SLC6A20: variants seen among roughly 807,000 people sequenced by gnomAD.
SLC6A20 encodes sodium- and chloride-dependent transporter XTRP3.
SLC6A20 carries 73 observed loss-of-function variants against 64.3 expected under a neutral mutation model. The observed-to-expected ratio is 1.14, with a 90% CI of 0.94 to 1.38. The LOEUF (loss-of-function observed/expected upper bound fraction) is 1.38, where lower values mean the gene tolerates loss of function less well. SLC6A20 is among the 40% of genes most tolerant of loss of function. SLC6A20 has a pLI of 0.00. For synonymous variants in SLC6A20, 347 were observed against 329.6 expected (o/e 1.05, Z -0.57); for missense variants, 725 against 772.8 (o/e 0.94, Z 0.73).
At chr3:45,761,925 G>T (rs1699689090) in intron 9 of SLC6A20, among the ~76,000 whole-genome samples, 1 of 152,184 alleles carries the variant, frequency 6.6e-6, no homozygotes, top group Non-Finnish European at 1.5e-5. Context: ...AGCAGGGATT[G>T]CTGCTTCAGG....
intron 1 of SLC6A20, among the ~76,000 whole-genome samples, chr3:45,785,646 T>TCTCTCTCTCTCTCTCTCTCTCTC (rs58230332): frequency 2.8e-5 from 4 of 144,188 alleles, no homozygotes; most frequent in African/African-American, 1.0e-4. Context: ...TCTCTCTCTC[T>TCTCTCTCTCTCTCTCTCTCTCTC]TCCCCCTATT....
intron 7 of SLC6A20, among the ~76,000 whole-genome samples, chr3:45,769,654 C>T (rs1699827869): frequency 6.6e-6 from 1 of 151,968 alleles, no homozygotes; most frequent in Admixed American, 6.5e-5. Flanking sequence ...ACCATTTATG[C>T]CCATTTAAAA....
intron 7 of SLC6A20, among the ~76,000 whole-genome samples, 193 bp downstream of exon 7, chr3:45,770,016 A>G (rs1202157458): frequency 6.6e-6 from 1 of 152,238 alleles, no homozygotes; most frequent in Non-Finnish European, 1.5e-5. Context: ...GAAGTTTATT[A>G]TAACTAGCAT....
chr3:45,779,875 C>T (rs1700040355), intron 3 of SLC6A20, 134 bp downstream of exon 3: 16 of 940,270 alleles, frequency 1.7e-5, no homozygotes, highest in Admixed American at 2.3e-5. Flanking sequence ...TTCCCCTCCA[C>T]CTCACACCAC....
At chr3:45,768,466 A>G (rs989918356) in intron 7 of SLC6A20, among the ~76,000 whole-genome samples, 3 of 152,258 alleles carry the variant, frequency 2.0e-5, no homozygotes, top group Non-Finnish European at 4.4e-5. Flanking sequence ...AGTTGAAGTG[A>G]GAGCACTGAA....
At chr3:45,784,069 G>A (rs1411271701) in intron 1 of SLC6A20, among the ~76,000 whole-genome samples, 1 of 152,200 alleles carries the variant, frequency 6.6e-6, no homozygotes, top group Non-Finnish European at 1.5e-5. Flanking sequence ...TGTAAGGCCT[G>A]GCAAGGTCCA....
chr3:45,758,685 G>T lies in SLC6A20; in HGVS notation c.*293C>A, dbSNP rs1699592966. ...ATAGTCATATTTCAGTTTGCAATGT[G>T]CCCTAATTCTAGGGCTTTCCTGGAA... On this transcript the variant is annotated 3_prime_UTR_variant, in exon 11 of 11. Transcript: ENST00000358525. 4.1e-6 allele frequency: 5 copies of T among 1,213,248 alleles called. No individual in the cohort carries two copies. The South Asian group carries it at 7.0e-5, about 17-fold the overall frequency. 75.2% of individuals were successfully genotyped at this position (1,213,248 alleles called of 1,614,324 possible).
chr3:45,762,642 T>TG (rs1699703658), intron 9 of SLC6A20, among the ~76,000 whole-genome samples: 2 of 152,202 alleles, frequency 1.3e-5, no homozygotes, highest in South Asian at 4.1e-4. Flanking sequence ...CAGTAAGCTG[T>TG]GGGGGTCCAG....
At chr3:45,776,305 T>C (rs540925812) in intron 3 of SLC6A20, among the ~76,000 whole-genome samples, 2 of 152,132 alleles carry the variant, frequency 1.3e-5, no homozygotes, top group Non-Finnish European at 2.9e-5. Flanking sequence ...CCAGCCCTGA[T>C]GATGGAACTC....
At chr3:45,781,079 G>A (rs1456776915) in intron 2 of SLC6A20, among the ~76,000 whole-genome samples, 1 of 152,200 alleles carries the variant, frequency 6.6e-6, no homozygotes, top group African/African-American at 2.4e-5. Flanking sequence ...AAATTAGCCA[G>A]GTGTGGTGGC....
chr3:45,775,407 T>C (rs1176173684), intron 4 of SLC6A20, among the ~76,000 whole-genome samples: 1 of 152,068 alleles, frequency 6.6e-6, no homozygotes, highest in Non-Finnish European at 1.5e-5. Flanking sequence ...AGCCAGTGGC[T>C]AGGGTGTCTC....
chr3:45,771,558 C>T, intron 5 of SLC6A20, 100 bp from the exon 6 acceptor site: 1 of 1,553,012 alleles, frequency 6.4e-7, no homozygotes, highest in Non-Finnish European at 8.7e-7. Flanking sequence ...AGGAGCTCAC[C>T]TACAGCACGC....
Position 45,796,318 on chromosome 3 carries a change from C to T in SLC6A20, c.102G>A (p.Leu34=), listed in dbSNP as rs146854791. 19 of 1,611,400 alleles carry T rather than the reference C, an allele frequency of 1.2e-5. No individual in the cohort carries two copies. Among genetic ancestry groups the T allele is most frequent in the Middle Eastern group, 1.6e-4 (1 of 6,082 alleles). The change falls in exon 1 of 11, where the codon CTG becomes CTA. Residue 34 remains leucine, a synonymous_variant. Transcript: ENST00000358525. ...ACTCACCTCCGCCGTACATCTGGCACAGGTACGGGAATCGCCACACGTTGC... is the reference window on the plus strand; with the variant it reads ...ACTCACCTCCGCCGTACATCTGGCATAGGTACGGGAATCGCCACACGTTGC... The part of the protein sequence containing the change: ...GLGNVWRFPY[L]CQMYGGGSFL...
At chr3:45,771,497 TG>T in intron 5 of SLC6A20, 39 bp from the exon 6 acceptor site, 1 of 1,610,034 alleles carries the variant, frequency 6.2e-7, no homozygotes, top group Non-Finnish European at 8.5e-7. Context: ...GATCCCTGGG[TG>T]GAATCCCAAA....
Position 45,758,488 on chromosome 3 carries a change from G to A in SLC6A20, c.*490C>T, listed in dbSNP as rs766615983. 1 of 1,229,624 alleles carries A rather than the reference G, an allele frequency of 8.1e-7. No individual in the cohort carries two copies. The highest frequency in any genetic ancestry group is 1.4e-5 in the South Asian group (1 of 72,098). The allele number at this position is 1,229,624 out of a possible 1,614,324, so 76.2% of individuals were successfully genotyped here. On this transcript the variant is annotated 3_prime_UTR_variant, in exon 11 of 11. Coordinates refer to ENST00000358525, the MANE Select transcript of SLC6A20 (RefSeq NM_020208.4). ...AGGGTGGAAGGGGAACACAGAAATT[G>A]CATATTCACTACAACTCAAAAAAGA...
rs576483421 is a variant in SLC6A20 at position 45,756,337 on chromosome 3, T to C, written c.*2641A>G. ...CCTCCAGGATTCAGAGCAGACTCGGTGCTGTGTTTGCCATTGAGTGTGCCG... is the reference window on the plus strand; with the variant it reads ...CCTCCAGGATTCAGAGCAGACTCGGCGCTGTGTTTGCCATTGAGTGTGCCG... On this transcript the variant is annotated 3_prime_UTR_variant, in exon 11 of 11. Transcript: ENST00000358525. 2.0e-5 allele frequency: 3 copies of C among 152,208 alleles called. No homozygotes were observed. The highest frequency in any genetic ancestry group is 4.4e-5 in the Non-Finnish European group (3 of 68,044). The allele number at this position is 152,208 out of a possible 1,614,324, so 9.4% of individuals were successfully genotyped here.
At position 45,759,027 on chromosome 3, in the gene SLC6A20, G is replaced by C; in HGVS notation, c.1730C>G (p.Thr577Ser). Residue 577 changes from threonine (T) to serine (S), a missense_variant, in exon 11 of 11, where the codon ACT (threonine) becomes AGT (serine). Physicochemically the swap from Thr to Ser is moderately conservative, Grantham distance 58. Transcript: ENST00000358525. ...CCTCTTGAGGCGACGCTGAACAAAA[G>C]TCCCCAGGGCCGCCAGGGGGATGCA... is the stretch of plus-strand genomic sequence containing the variant. ...TMCIPLAALG[T>S]FVQRRLKRGD... 1 of 1,612,300 alleles carries C rather than the reference G, an allele frequency of 6.2e-7. No homozygotes were observed. The highest frequency in any genetic ancestry group is 8.5e-7 in the Non-Finnish European group (1 of 1,179,370).
At chr3:45,762,633 A>G (rs1352405001) in intron 9 of SLC6A20, among the ~76,000 whole-genome samples, 2 of 152,260 alleles carry the variant, frequency 1.3e-5, no homozygotes, top group African/African-American at 2.4e-5. Context: ...TCCCTGCCCC[A>G]GTAAGCTGTG....
intron 1 of SLC6A20, among the ~76,000 whole-genome samples, chr3:45,790,095 G>T (rs1700225259): frequency 6.6e-6 from 1 of 152,056 alleles, no homozygotes; most frequent in Admixed American, 6.5e-5. Flanking sequence ...ATCATAATCT[G>T]TCTCCTTTGA....
Sources: allele counts gnomAD v4.1 joint callset (sites outside exome capture counted in the v4.1 genomes callset), GRCh38; gene constraint gnomAD v4.1.1; transcripts MANE v1.5; gene names NCBI Gene and HGNC (gene_info 2026-07-23, HGNC 2026-07-21).